Variants in DIP2B observed in about 807,000 individuals in gnomAD.
The protein encoded by DIP2B is disco-interacting protein 2 homolog B.
DIP2B carries 76 observed loss-of-function variants against 198.0 expected under a neutral mutation model. That is an observed-to-expected ratio of 0.38 (90% CI 0.32 to 0.46). The LOEUF (loss-of-function observed/expected upper bound fraction) is 0.46, where lower values mean the gene tolerates loss of function less well. Among genes scored for constraint, DIP2B ranks in the 20% least tolerant of loss-of-function variants. The pLI, the probability that DIP2B is intolerant of heterozygous loss-of-function variation, is 0.99. For synonymous variants in DIP2B, 701 were observed against 739.1 expected (o/e 0.95, Z 0.84); for missense variants, 1,559 against 1,978.4 (o/e 0.79, Z 4.02).
chr12:50,511,085 AC>A lies in DIP2B; in HGVS notation c.100+5846del, dbSNP rs1256828996. Among the ~76,000 whole-genome samples the A allele has an allele frequency of 2.0e-5, 3 of 151,194 alleles. No individual in the cohort carries two copies. In the Admixed American group the frequency reaches 2.0e-4, roughly 10 times the overall value. On this transcript the variant is annotated intron_variant, in intron 1 of 37. Coordinates refer to ENST00000301180, the MANE Select transcript of DIP2B (RefSeq NM_173602.3). ...CTCAGCCTCCCAAGTAGCTGGGATT[AC>A]AGGCGCCCTCCACCATGCCCAGCTA...
At chr12:50,645,129 A>G (rs1039983562) in intron 3 of DIP2B, among the ~76,000 whole-genome samples, 2 of 152,228 alleles carry the variant, frequency 1.3e-5, no homozygotes, top group Non-Finnish European at 2.9e-5. Context: ...CTACAATTGT[A>G]TAATCAGTAT....
intron 1 of DIP2B, among the ~76,000 whole-genome samples, chr12:50,607,702 C>T (rs1278799404): frequency 6.6e-6 from 1 of 152,202 alleles, no homozygotes; most frequent in Non-Finnish European, 1.5e-5. Context: ...CCTAAAATTA[C>T]TAATAGCTGT....
At chr12:50,569,932 A>G (rs1026800447) in intron 1 of DIP2B, among the ~76,000 whole-genome samples, 4 of 152,198 alleles carry the variant, frequency 2.6e-5, no homozygotes, top group African/African-American at 9.7e-5. Context: ...CTAACTTCCA[A>G]GATGTAACAG....
intron 2 of DIP2B, among the ~76,000 whole-genome samples, chr12:50,634,981 A>T (rs1358164187): frequency 2.0e-5 from 3 of 152,222 alleles, no homozygotes; most frequent in African/African-American, 7.2e-5. Flanking sequence ...TTCCACCCTC[A>T]ATAGATCTTT....
intron 1 of DIP2B, among the ~76,000 whole-genome samples, chr12:50,566,699 G>GT (rs1235826390): frequency 6.6e-6 from 1 of 152,088 alleles, no homozygotes; most frequent in East Asian, 1.9e-4. Flanking sequence ...GCTGGGCGCA[G>GT]TGGCTCACAC....
chr12:50,721,686 T>A (rs1199105542), intron 26 of DIP2B, among the ~76,000 whole-genome samples: 1 of 152,222 alleles, frequency 6.6e-6, no homozygotes, highest in African/African-American at 2.4e-5. Flanking sequence ...CTTCAGCTAC[T>A]TGGCTTTTGG....
At chr12:50,627,867 C>T (rs967726823) in intron 2 of DIP2B, among the ~76,000 whole-genome samples, 1 of 152,216 alleles carries the variant, frequency 6.6e-6, no homozygotes, top group Non-Finnish European at 1.5e-5. Context: ...CTTCCAACAT[C>T]TGTCCCCTTC....
chr12:50,607,490 T>C (rs1274536573), intron 1 of DIP2B, among the ~76,000 whole-genome samples: 1 of 152,212 alleles, frequency 6.6e-6, no homozygotes, highest in Non-Finnish European at 1.5e-5. Flanking sequence ...ATCAAGTCTT[T>C]CCTGTGATTT....
intron 26 of DIP2B, among the ~76,000 whole-genome samples, chr12:50,722,876 AT>A (rs948854662): frequency 1.3e-5 from 2 of 151,872 alleles, no homozygotes; most frequent in African/African-American, 4.8e-5. Flanking sequence ...CCATTCTTTT[AT>A]TTTCCTAGTT....
At chr12:50,683,688 C>A (rs1400036853) in intron 10 of DIP2B, among the ~76,000 whole-genome samples, 1 of 152,048 alleles carries the variant, frequency 6.6e-6, no homozygotes, top group African/African-American at 2.4e-5. Context: ...GAGGCTGAGG[C>A]AGGAGAATGG....
intron 1 of DIP2B, among the ~76,000 whole-genome samples, chr12:50,609,583 C>T (rs931774048): frequency 6.6e-6 from 1 of 152,214 alleles, no homozygotes; most frequent in African/African-American, 2.4e-5. Context: ...AGGGAAGATA[C>T]ACCCATTCCA....
At position 50,650,460 on chromosome 12, in the gene DIP2B, A is replaced by G. The variant is rs140172328; in HGVS notation, c.301+9608A>G. On this transcript the variant is annotated intron_variant, in intron 3 of 37. Coordinates refer to ENST00000301180, the MANE Select transcript of DIP2B (RefSeq NM_173602.3). ...GTGACTGGAATTCCATACCTGTTGA[A>G]CAACAACTCATTTCCCCCTCCTCTC... Among the ~76,000 whole-genome samples, 4 of 152,288 alleles carry G rather than the reference A, an allele frequency of 2.6e-5. No individual in the cohort carries two copies. The East Asian group carries it at 7.7e-4, about 29-fold the overall frequency.
intron 11 of DIP2B, 63 bp from the exon 12 acceptor site, chr12:50,686,510 T>G (rs1939133252): frequency 1.1e-5 from 15 of 1,413,674 alleles, no homozygotes. Flanking sequence ...AAATGACCAG[T>G]TCAGTGTGAA....
chr12:50,540,053 GTTTTTTTTTTTTTTT>G (rs60978324), intron 1 of DIP2B, among the ~76,000 whole-genome samples: 6 of 44,142 alleles, frequency 1.4e-4, no homozygotes, highest in South Asian at 8.6e-4. Flanking sequence ...TTGTTTCTGT[GTTTTTTTTTTTTTTT>G]TTTTTTTTTT....
intron 4 of DIP2B, among the ~76,000 whole-genome samples, chr12:50,670,097 G>A (rs1326504158): frequency 2.0e-5 from 3 of 151,790 alleles, no homozygotes; most frequent in Admixed American, 1.3e-4. Context: ...TGTTTTCCCC[G>A]GCTTTTGCTT....
chr12:50,516,640 C>T (rs775690918), intron 1 of DIP2B, among the ~76,000 whole-genome samples: 4 of 151,920 alleles, frequency 2.6e-5, no homozygotes, highest in African/African-American at 4.8e-5. Context: ...TAGTAACTTA[C>T]CAAAGTCAAA....
intron 30 of DIP2B, among the ~76,000 whole-genome samples, chr12:50,729,561 A>C (rs1029876689): frequency 2.0e-5 from 3 of 152,272 alleles, no homozygotes; most frequent in South Asian, 2.1e-4. Flanking sequence ...TGTATGAGCC[A>C]AGAGTTTAAG....
intron 3 of DIP2B, among the ~76,000 whole-genome samples, chr12:50,648,999 C>T (rs1456755980): frequency 6.6e-6 from 1 of 151,862 alleles, no homozygotes; most frequent in Non-Finnish European, 1.5e-5. Context: ...GTAGAGCAAA[C>T]TTCATTTACA....
At chr12:50,632,579 C>G (rs761671366) in intron 2 of DIP2B, among the ~76,000 whole-genome samples, 1 of 149,896 alleles carries the variant, frequency 6.7e-6, no homozygotes, top group Non-Finnish European at 1.5e-5. Flanking sequence ...CTCTGTCACC[C>G]AGGCTGGAGT....
Sources: allele counts gnomAD v4.1 joint callset (sites outside exome capture counted in the v4.1 genomes callset), GRCh38; gene constraint gnomAD v4.1.1; transcripts MANE v1.5; gene names NCBI Gene and HGNC (gene_info 2026-07-23, HGNC 2026-07-21).